Variants in GRIN3A observed in about 807,000 individuals in gnomAD.
GRIN3A encodes glutamate receptor ionotropic, NMDA 3A.
GRIN3A carries 47 observed loss-of-function variants against 92.4 expected under a neutral mutation model. The ratio of observed to expected loss-of-function variants is 0.51; its 90% CI spans 0.40 to 0.65. GRIN3A has a LOEUF of 0.65. GRIN3A is among the 30% of genes least tolerant of loss of function. The pLI is 0.00. For missense variants in GRIN3A, 1,324 were observed against 1,393.1 expected (o/e 0.95, Z 0.79); for synonymous variants, 527 against 540.6 (o/e 0.97, Z 0.35).
At chr9:101,710,127 C>T (rs972803809) in intron 1 of GRIN3A, among the ~76,000 whole-genome samples, 2 of 152,084 alleles carry the variant, frequency 1.3e-5, no homozygotes, top group Non-Finnish European at 2.9e-5. Flanking sequence ...TGGACAGTAT[C>T]AGTTCAGTCT....
At chr9:101,712,302 G>T (rs933112889) in intron 1 of GRIN3A, among the ~76,000 whole-genome samples, 3 of 152,110 alleles carry the variant, frequency 2.0e-5, no homozygotes, top group Admixed American at 6.6e-5. Flanking sequence ...GAAAGATCTT[G>T]ATTTTGCACT....
At position 101,707,754 on chromosome 9, in the gene GRIN3A, G is replaced by A. The variant is rs549050065; in HGVS notation, c.700-20554C>T. The stretch of plus-strand genomic sequence containing the variant: ...AATTGTGGCAAGCAACCACAGTTAA[G>A]GAATTAGGATTTGGGATTAGTGGAT... On this transcript the variant is annotated intron_variant, in intron 1 of 8. Coordinates refer to ENST00000361820, the MANE Select transcript of GRIN3A (RefSeq NM_133445.3). 1.1e-4 allele frequency among the ~76,000 whole-genome samples: 16 copies of A among 152,236 alleles called. No individual in the cohort carries two copies. In the South Asian group the frequency reaches 3.3e-3, roughly 32 times the overall value.
chr9:101,706,155 A>C (rs1829814556), intron 1 of GRIN3A, among the ~76,000 whole-genome samples: 1 of 152,200 alleles, frequency 6.6e-6, no homozygotes, highest in Non-Finnish European at 1.5e-5. Context: ...ATGAATTTAT[A>C]TTTTATTCCC....
At chr9:101,623,972 AAGG>A (rs1828594288) in intron 4 of GRIN3A, among the ~76,000 whole-genome samples, 1 of 152,212 alleles carries the variant, frequency 6.6e-6, no homozygotes. Flanking sequence ...GAGGGCAAGG[AAGG>A]AGAAGTTTTA....
At chr9:101,632,441 A>G (rs1384351525) in intron 3 of GRIN3A, among the ~76,000 whole-genome samples, 1 of 152,170 alleles carries the variant, frequency 6.6e-6, no homozygotes, top group Non-Finnish European at 1.5e-5. Context: ...TGCAACAAGC[A>G]CAGGGCTTAG....
Position 101,670,184 on chromosome 9 carries a change from C to A in GRIN3A, c.2228G>T (p.Arg743Met). ...AIKPPKCWTGRFLMNLWAIFC... is the reference protein window; with the variant it reads ...AIKPPKCWTGMFLMNLWAIFC... The stretch of plus-strand genomic sequence containing the variant: ...AATGGCCCAAAGGTTCATTAGAAAC[C>A]TTCCAGTCCAACATTTTGGAGGTTT... The change falls in exon 3 of 9, where the codon AGG becomes ATG. Residue 743 changes from arginine (R) to methionine (M), a missense_variant. Coordinates refer to ENST00000361820, the MANE Select transcript of GRIN3A (RefSeq NM_133445.3). 1 of 1,613,916 alleles carries A rather than the reference C, an allele frequency of 6.2e-7. No individual in the cohort carries two copies. Among genetic ancestry groups the A allele is most frequent in the Non-Finnish European group, 8.5e-7 (1 of 1,179,872 alleles).
chr9:101,644,643 G>C (rs181227112), intron 3 of GRIN3A, among the ~76,000 whole-genome samples: 1 of 151,768 alleles, frequency 6.6e-6, no homozygotes, highest in Non-Finnish European at 1.5e-5. Context: ...TATTTAATCC[G>C]ACAAGTAATT....
At chr9:101,607,789 G>T (rs1048502768) in intron 6 of GRIN3A, among the ~76,000 whole-genome samples, 11 of 152,202 alleles carry the variant, frequency 7.2e-5, no homozygotes, top group Non-Finnish European at 1.3e-4. Context: ...GATGGCAAGC[G>T]AAGCATTAAT....
Position 101,711,588 on chromosome 9 carries a change from T to C in GRIN3A, c.700-24388A>G, listed in dbSNP as rs183731190. Among the ~76,000 whole-genome samples, 5 of 152,272 alleles carry C rather than the reference T, an allele frequency of 3.3e-5. No homozygotes were observed. In the East Asian group the frequency reaches 9.7e-4, roughly 29 times the overall value. ...AAGAGAAAGGGTTTGCTGCTTCTTG[T>C]CTGTCTTTTCTGTCTCTGATTTGCT... On this transcript the variant is annotated intron_variant, in intron 1 of 8. Transcript: ENST00000361820.
rs1377418795 is a variant in GRIN3A, at chr9:101,569,813, C to T, written c.*3361G>A. The T allele has an allele frequency of 6.6e-6, 1 of 152,036 alleles. No homozygotes were observed. The highest frequency in any genetic ancestry group is 1.5e-5 in the Non-Finnish European group (1 of 68,004). The allele number at this position is 152,036 out of a possible 1,614,324, so 9.4% of individuals were successfully genotyped here. Reference sequence around the variant, plus strand: ...AAGAGGCTCTAAAGTAGTTTCTTTCCCCTTTATTCTTTACCCACACCAAGG... The same window carrying T: ...AAGAGGCTCTAAAGTAGTTTCTTTCTCCTTTATTCTTTACCCACACCAAGG... On this transcript the variant is annotated 3_prime_UTR_variant, in exon 9 of 9. Coordinates refer to ENST00000361820, the MANE Select transcript of GRIN3A (RefSeq NM_133445.3).
chr9:101,589,602 T>C (rs535868392), intron 6 of GRIN3A, among the ~76,000 whole-genome samples: 2 of 152,336 alleles, frequency 1.3e-5, no homozygotes, highest in South Asian at 4.1e-4. Flanking sequence ...TATTTATGCA[T>C]ATCAGACACA....
At chr9:101,621,702 C>A (rs1301218510) in intron 5 of GRIN3A, among the ~76,000 whole-genome samples, 1 of 152,136 alleles carries the variant, frequency 6.6e-6, no homozygotes, top group Non-Finnish European at 1.5e-5. Flanking sequence ...TGGCATCTGG[C>A]ACTAGGGTCC....
chr9:101,628,746 A>G (rs1210775480), intron 3 of GRIN3A, among the ~76,000 whole-genome samples: 1 of 152,240 alleles, frequency 6.6e-6, no homozygotes, highest in Non-Finnish European at 1.5e-5. Context: ...TACATTCATA[A>G]TAAAGATTAT....
At position 101,573,126 on chromosome 9, in the gene GRIN3A, G is replaced by T; in HGVS notation, c.*48C>A. The T allele has an allele frequency of 6.8e-7, 1 of 1,471,370 alleles. No homozygotes were observed. The highest frequency in any genetic ancestry group is 9.5e-7 in the Non-Finnish European group (1 of 1,050,186). The allele number at this position is 1,471,370 out of a possible 1,614,324, so 91.1% of individuals were successfully genotyped here. A position where few individuals can be genotyped will look rare whatever the true frequency, so the allele number is the denominator to read the frequency against. On this transcript the variant is annotated 3_prime_UTR_variant, in exon 9 of 9. Transcript: ENST00000361820. ...AAAAGAGCATTACAAAGTGTCTCAA[G>T]GGCTCAGAGGAAGGTCAGGAACTGA...
At chr9:101,643,525 A>G (rs1232259761) in intron 3 of GRIN3A, among the ~76,000 whole-genome samples, 1 of 152,072 alleles carries the variant, frequency 6.6e-6, no homozygotes, top group Non-Finnish European at 1.5e-5. Flanking sequence ...GAACTGCTAT[A>G]TGATCCATCA....
chr9:101,659,574 T>G (rs1369939979), intron 3 of GRIN3A, among the ~76,000 whole-genome samples: 1 of 148,976 alleles, frequency 6.7e-6, no homozygotes, highest in Non-Finnish European at 1.5e-5. Context: ...ATCTATGTAT[T>G]TATTTATACA....
rs751663218 is a variant in GRIN3A, at chr9:101,671,008, A to C, written c.1404T>G (p.Leu468=). The part of the protein sequence containing the change: ...SSENNFFIWN[L]QHDPMGKPMW... ...TTGGCTTTCCCATGGGGTCATGTTG[A>C]AGATTCCAGATGAAAAAGTTGTTTT... The change falls in exon 3 of 9, where the codon CTT becomes CTG. Residue 468 remains leucine, a synonymous_variant. Coordinates refer to ENST00000361820, the MANE Select transcript of GRIN3A (RefSeq NM_133445.3). The C allele has an allele frequency of 2.5e-6, 4 of 1,613,846 alleles. No individual in the cohort carries two copies. The highest frequency in any genetic ancestry group is 1.3e-5 in the African/African-American group (1 of 74,900).
rs576097834 is a variant in GRIN3A at position 101,594,815 on chromosome 9, C to T, written c.2767-15455G>A. ...CATGAACTCCTCCACGCTCAGAGAC[C>T]CTGATTTGTCCAAGTCCAACTTCTT... is the stretch of plus-strand genomic sequence containing the variant. On this transcript the variant is annotated intron_variant, in intron 6 of 8. Transcript: ENST00000361820. 6.7e-4 allele frequency: 1,083 copies of T among 1,611,898 alleles called. 15 individuals are homozygous for T. The South Asian group carries it at 0.011, about 16-fold the overall frequency.
At chr9:101,673,610 T>C (rs77650531) in intron 2 of GRIN3A, among the ~76,000 whole-genome samples, 4,732 of 152,244 alleles carry the variant, frequency 0.031, 238 homozygotes, top group African/African-American at 0.11. Context: ...AAAATATAAA[T>C]GCTCACTAAA....
Sources: allele counts gnomAD v4.1 joint callset (sites outside exome capture counted in the v4.1 genomes callset), GRCh38; gene constraint gnomAD v4.1.1; transcripts MANE v1.5; gene names NCBI Gene and HGNC (gene_info 2026-07-23, HGNC 2026-07-21).